The following SOX5 variants were observed in gnomAD, a reference collection of about 807,000 sequenced individuals.
SOX5 encodes the protein transcription factor SOX-5.
Under a neutral mutation model 92.0 loss-of-function variants are expected in SOX5, and 9 were observed. The ratio of observed to expected loss-of-function variants is 0.10; its 90% CI spans 0.06 to 0.17. The LOEUF is 0.17. SOX5 is among the 10% of genes least tolerant of loss of function. The pLI, the probability that SOX5 is intolerant of heterozygous loss-of-function variation, is 1.00. For synonymous variants in SOX5, 344 were observed against 336.3 expected, an observed-to-expected ratio of 1.02 and a Z score of -0.25; for missense variants, 642 against 944.5, an observed-to-expected ratio of 0.68 and a Z score of 4.20.
At chr12:24,528,597 C>T (rs539525059) in intron 1 of SOX5, among the ~76,000 whole-genome samples, 1 of 152,214 alleles carries the variant, frequency 6.6e-6, no homozygotes, top group Non-Finnish European at 1.5e-5. Context: ...CCTTGGAAAA[C>T]GTCTCCACAC....
At chr12:23,636,804 C>T (rs1360501149) in intron 8 of SOX5, among the ~76,000 whole-genome samples, 1 of 152,146 alleles carries the variant, frequency 6.6e-6, no homozygotes, top group Non-Finnish European at 1.5e-5. Context: ...TACCAAATGT[C>T]TGAAGAAGGG....
intron 4 of SOX5, among the ~76,000 whole-genome samples, chr12:24,091,586 C>T (rs1006101886): frequency 3.3e-5 from 5 of 151,958 alleles, no homozygotes; most frequent in African/African-American, 1.2e-4. Context: ...CACACCACCA[C>T]ACCCAGCTAG....
intron 1 of SOX5, among the ~76,000 whole-genome samples, chr12:24,466,996 G>T (rs1289066607): frequency 6.6e-6 from 1 of 152,148 alleles, no homozygotes; most frequent in African/African-American, 2.4e-5. Flanking sequence ...CACCAGAAAA[G>T]TCTTACTTTC....
intron 4 of SOX5, among the ~76,000 whole-genome samples, chr12:24,003,629 A>C (rs1003574886): frequency 1.3e-5 from 2 of 152,084 alleles, no homozygotes; most frequent in African/African-American, 2.4e-5. Flanking sequence ...AAAACTACCA[A>C]ATCACTGAGA....
intron 6 of SOX5, among the ~76,000 whole-genome samples, chr12:23,717,829 C>G (rs2092596488): frequency 6.6e-6 from 1 of 152,138 alleles, no homozygotes; most frequent in Non-Finnish European, 1.5e-5. Flanking sequence ...CACTGTACTG[C>G]AAAGAGAAAA....
chr12:24,352,603 C>G (rs528139641), intron 2 of SOX5, among the ~76,000 whole-genome samples: 1 of 152,210 alleles, frequency 6.6e-6, no homozygotes, highest in Non-Finnish European at 1.5e-5. Context: ...TTTACTCAGG[C>G]ACTGATTGGT....
chr12:23,766,831 G>T (rs1444872361), intron 3 of SOX5, among the ~76,000 whole-genome samples: 1 of 152,060 alleles, frequency 6.6e-6, no homozygotes, highest in African/African-American at 2.4e-5. Context: ...GGATAATATT[G>T]TATATAATTT....
intron 1 of SOX5, among the ~76,000 whole-genome samples, chr12:24,534,749 A>G (rs1157093290): frequency 6.6e-6 from 1 of 152,196 alleles, no homozygotes; most frequent in Non-Finnish European, 1.5e-5. Context: ...CTGTGCATCC[A>G]AAGCCTCTCC....
chr12:23,945,014 T>C (rs1944310433), intron 1 of SOX5, among the ~76,000 whole-genome samples: 1 of 152,122 alleles, frequency 6.6e-6, no homozygotes, highest in Admixed American at 6.6e-5. Context: ...TTAACTAATC[T>C]ATAAAAAGGG....
At chr12:24,427,640 A>G (rs1966854190) in intron 1 of SOX5, among the ~76,000 whole-genome samples, 1 of 152,244 alleles carries the variant, frequency 6.6e-6, no homozygotes, top group Non-Finnish European at 1.5e-5. Context: ...TTATCTAAAA[A>G]TGGCAACATT....
rs2094134912 is a variant in SOX5 at position 23,750,032 on chromosome 12, T to C, written c.568+5606A>G. 3.3e-5 allele frequency among the ~76,000 whole-genome samples: 5 copies of C among 151,810 alleles called. No individual in the cohort carries two copies. The South Asian group carries it at 1.0e-3, about 31-fold the overall frequency. On this transcript the variant is annotated intron_variant, in intron 4 of 14. Coordinates refer to ENST00000451604, the MANE Select transcript of SOX5 (RefSeq NM_006940.6). ...CTTGGATGCAAATTATAGAAGTTCT[T>C]CATCCAGGTTTGGTAGGTCTAGAAA...
At chr12:23,857,811 C>T (rs1432572523) in intron 2 of SOX5, among the ~76,000 whole-genome samples, 3 of 151,526 alleles carry the variant, frequency 2.0e-5, no homozygotes, top group African/African-American at 7.3e-5. Flanking sequence ...TGGCTCACTG[C>T]AACCTCCCCC....
intron 1 of SOX5, among the ~76,000 whole-genome samples, chr12:23,906,922 A>G (rs2097299593): frequency 6.7e-6 from 1 of 149,946 alleles, no homozygotes; most frequent in Non-Finnish European, 1.5e-5. Context: ...TTTAGGTTAT[A>G]GACAGCCGAA....
chr12:23,850,118 C>T (rs944800990), intron 2 of SOX5, among the ~76,000 whole-genome samples: 9 of 152,120 alleles, frequency 5.9e-5, no homozygotes, highest in South Asian at 2.1e-4. Context: ...CTTCCAGCAA[C>T]GGGTTGTGAT....
Position 23,536,674 on chromosome 12 carries a change from G to C in SOX5, c.1772-5C>G. On this transcript the variant is annotated splice_polypyrimidine_tract_variant and splice_region_variant and intron_variant, in intron 13 of 14. Transcript: ENST00000451604. ...TCATAGCTTTCCAGCGAGATCCTAT[G>C]AAGAAAGGAGGTTAGGATTCCAATT... is the stretch of plus-strand genomic sequence containing the variant. The C allele has an allele frequency of 6.2e-7, 1 of 1,608,446 alleles. No homozygotes were observed.
rs143312209 is a variant in SOX5 at position 24,043,172 on chromosome 12, A to G, written c.-1-147148T>C. Among the ~76,000 whole-genome samples the G allele has an allele frequency of 7.4e-4, 112 of 152,322 alleles. 3 individuals carry two copies. The highest frequency in any genetic ancestry group is 6.3e-4 in the Non-Finnish European group (43 of 68,020). On this transcript the variant is annotated intron_variant, in intron 4 of 4. Transcript: ENST00000446891. ...ATAAATTTCCTGTAGAAAGGAAGTA[A>G]TTGTTTTTGTTTAAAGGAAACATCC...
intron 4 of SOX5, among the ~76,000 whole-genome samples, chr12:24,148,504 AGAGAG>A (rs1284646366): frequency 3.0e-5 from 2 of 67,686 alleles, no homozygotes; most frequent in Non-Finnish European, 5.2e-5. Context: ...AAAAAAAAAA[AGAGAG>A]AGAGAGAGAG....
chr12:24,026,186 G>A (rs1274118070), intron 4 of SOX5, among the ~76,000 whole-genome samples: 1 of 152,046 alleles, frequency 6.6e-6, no homozygotes, highest in African/African-American at 2.4e-5. Context: ...TAAAGGAAAT[G>A]ATTTTGACGG....
chr12:23,894,290 C>A (rs140080798), intron 2 of SOX5, among the ~76,000 whole-genome samples: 199 of 152,028 alleles, frequency 1.3e-3, no homozygotes, highest in African/African-American at 4.6e-3. Flanking sequence ...TGTAGTGGTG[C>A]GATCTCGGCT....
Sources: allele counts gnomAD v4.1 joint callset (sites outside exome capture counted in the v4.1 genomes callset), GRCh38; gene constraint gnomAD v4.1.1; transcripts MANE v1.5; gene names NCBI Gene and HGNC (gene_info 2026-07-23, HGNC 2026-07-21).